PPFIA2: variants seen among roughly 807,000 people sequenced by gnomAD.
The protein encoded by PPFIA2 is liprin-alpha-2.
A neutral mutation model predicts 175.5 loss-of-function variants in PPFIA2; 46 were observed. The ratio of observed to expected loss-of-function variants is 0.26; its 90% CI spans 0.21 to 0.34. The LOEUF is 0.34. Ranked by LOEUF, PPFIA2 falls within the 10% of genes least tolerant of loss-of-function variation. The probability of loss-of-function intolerance (pLI) is 1.00; values close to 1 mark genes in which losing one functional copy is unlikely to be tolerated. For missense variants in PPFIA2, 1,179 were observed against 1,506.1 expected, an observed-to-expected ratio of 0.78 and a Z score of 3.60; for synonymous variants, 568 against 511.4, an observed-to-expected ratio of 1.11 and a Z score of -1.49.
At chr12:81,263,876 G>A (rs974824329) in intron 30 of PPFIA2, among the ~76,000 whole-genome samples, 1 of 152,114 alleles carries the variant, frequency 6.6e-6, no homozygotes, top group Non-Finnish European at 1.5e-5. Flanking sequence ...TGGCTAATAT[G>A]AGACACTGTA....
chr12:81,539,749 G>C (rs1231589526), intron 4 of PPFIA2, among the ~76,000 whole-genome samples: 2 of 151,890 alleles, frequency 1.3e-5, no homozygotes, highest in Non-Finnish European at 2.9e-5. Flanking sequence ...ACTAGATACA[G>C]AACGAAGCAG....
At position 81,595,381 on chromosome 12, in the gene PPFIA2, C is replaced by T. The variant is rs374761305; in HGVS notation, c.303+81410G>A. Among the ~76,000 whole-genome samples the T allele has an allele frequency of 3.1e-3, 466 of 151,922 alleles. 3 individuals carry two copies. Among genetic ancestry groups the T allele is most frequent in the African/African-American group, 0.011 (444 of 41,450 alleles). ...CAAATATTATTTTCCTCTAGTAGCT[C>T]TTAATTTTAACTTTTGTCAATTAAA... On this transcript the variant is annotated intron_variant, in intron 4 of 32. Coordinates refer to ENST00000549396, the MANE Select transcript of PPFIA2 (RefSeq NM_003625.5).
intron 3 of PPFIA2, among the ~76,000 whole-genome samples, chr12:81,732,293 C>G (rs540253738): frequency 2.2e-4 from 33 of 151,512 alleles, no homozygotes; most frequent in African/African-American, 7.5e-4. Context: ...AATTTCAAAT[C>G]TGAATGCAAC....
rs973540003 is a variant in PPFIA2 at position 81,714,548 on chromosome 12, GA to G, written c.250-37705del. On this transcript the variant is annotated intron_variant, in intron 3 of 32. Transcript: ENST00000549396. ...AAAACATCTAGGGTTGCCACGTTGT[GA>G]ATTATATTGAATGCCCTCGAATAGA... Among the ~76,000 whole-genome samples the G allele has an allele frequency of 1.9e-4, 28 of 150,966 alleles. 4 individuals are homozygous for G. Among genetic ancestry groups the G allele is most frequent in the Admixed American group, 1.5e-3 (22 of 14,754 alleles).
intron 4 of PPFIA2, among the ~76,000 whole-genome samples, chr12:81,537,757 C>A (rs2065620609): frequency 1.3e-5 from 2 of 151,774 alleles, no homozygotes. Flanking sequence ...GGCCTGACAC[C>A]ATGCCTGGCC....
intron 7 of PPFIA2, among the ~76,000 whole-genome samples, chr12:81,423,193 A>G (rs940501735): frequency 1.1e-4 from 17 of 152,176 alleles, no homozygotes; most frequent in Non-Finnish European, 2.1e-4. Context: ...AAACACTGAA[A>G]GAGGAATTGA....
At chr12:81,755,818 C>T (rs1025996863) in intron 2 of PPFIA2, among the ~76,000 whole-genome samples, 1 of 152,058 alleles carries the variant, frequency 6.6e-6, no homozygotes, top group African/African-American at 2.4e-5. Context: ...TGTATGCACA[C>T]TAAAATATAT....
intron 17 of PPFIA2, among the ~76,000 whole-genome samples, chr12:81,349,516 T>G (rs2059648555): frequency 6.6e-6 from 1 of 152,118 alleles, no homozygotes; most frequent in Non-Finnish European, 1.5e-5. Context: ...TAGTACATAG[T>G]AACATAGCTT....
chr12:81,266,323 G>A (rs2037251427), intron 30 of PPFIA2, among the ~76,000 whole-genome samples: 1 of 152,102 alleles, frequency 6.6e-6, no homozygotes, highest in Admixed American at 6.6e-5. Context: ...ACAGTCCACA[G>A]CATTTGCTGA....
chr12:81,757,010 A>C (rs2084787214), intron 2 of PPFIA2, among the ~76,000 whole-genome samples: 1 of 152,180 alleles, frequency 6.6e-6, no homozygotes, highest in South Asian at 2.1e-4. Context: ...GTCTACAAAA[A>C]AATAAGGCCA....
In PPFIA2 at chr12:81,360,558, T is replaced by C. The variant is rs377385851; in HGVS notation, c.1637+2135A>G. Reference sequence around the variant, plus strand: ...CACTCTGGAACTCATTTTACTTTCTTCTTAGATGAGATATTAAGAGAGAAG... The same window carrying C: ...CACTCTGGAACTCATTTTACTTTCTCCTTAGATGAGATATTAAGAGAGAAG... On this transcript the variant is annotated intron_variant, in intron 15 of 32. Transcript: ENST00000549396. 1.4e-4 allele frequency among the ~76,000 whole-genome samples: 22 copies of C among 151,796 alleles called. No individual in the cohort carries two copies. In the East Asian group the frequency reaches 3.3e-3, roughly 23 times the overall value.
At chr12:81,656,940 T>C (rs192282012) in intron 4 of PPFIA2, among the ~76,000 whole-genome samples, 34 of 152,278 alleles carry the variant, frequency 2.2e-4, no homozygotes, top group African/African-American at 7.2e-4. Context: ...TAGATTTTAA[T>C]TGTAAGTAAT....
chr12:81,452,480 C>G (rs948638623), intron 5 of PPFIA2, among the ~76,000 whole-genome samples: 4 of 152,166 alleles, frequency 2.6e-5, no homozygotes, highest in Non-Finnish European at 5.9e-5. Flanking sequence ...TCCCATGTTT[C>G]TTATGCTCAT....
intron 4 of PPFIA2, among the ~76,000 whole-genome samples, chr12:81,624,388 A>G (rs1306222558): frequency 6.7e-6 from 1 of 148,382 alleles, no homozygotes; most frequent in Admixed American, 6.8e-5. Context: ...TAAAATATAT[A>G]TACTGATTTT....
chr12:81,704,973 A>C (rs958795060), intron 3 of PPFIA2, among the ~76,000 whole-genome samples: 1 of 148,762 alleles, frequency 6.7e-6, no homozygotes, highest in Non-Finnish European at 1.5e-5. Context: ...AATCCCAGCT[A>C]CTTGGGAGGC....
chr12:81,301,386 G>A (rs537375360), intron 22 of PPFIA2, among the ~76,000 whole-genome samples: 41 of 152,238 alleles, frequency 2.7e-4, no homozygotes, highest in Middle Eastern at 3.4e-3. Context: ...AAAAAAGCAA[G>A]TAAATATGCA....
intron 19 of PPFIA2, among the ~76,000 whole-genome samples, chr12:81,343,744 GT>G (rs1262618207): frequency 6.6e-6 from 1 of 151,992 alleles, no homozygotes; most frequent in Non-Finnish European, 1.5e-5. Flanking sequence ...AGTTCATTTT[GT>G]TTTCCATATT....
intron 4 of PPFIA2, among the ~76,000 whole-genome samples, chr12:81,515,759 G>T (rs957288793): frequency 6.6e-6 from 1 of 152,030 alleles, no homozygotes; most frequent in Non-Finnish European, 1.5e-5. Context: ...TTTCAAATCA[G>T]AAATCTGGGA....
At chr12:81,668,611 C>T (rs1237860182) in intron 4 of PPFIA2, among the ~76,000 whole-genome samples, 1 of 152,010 alleles carries the variant, frequency 6.6e-6, no homozygotes, top group East Asian at 1.9e-4. Flanking sequence ...ACACACTTCC[C>T]TCCACAGAGT....
Sources: gnomAD v4.1 joint callset for allele counts (sites outside exome capture counted in the v4.1 genomes callset) on GRCh38, gnomAD v4.1.1 for gene constraint, MANE v1.5 for transcripts, NCBI Gene and HGNC (gene_info 2026-07-23, HGNC 2026-07-21) for gene names.